Variants in ZNF577 observed in about 807,000 individuals in gnomAD.
ZNF577 encodes zinc finger protein 577.
Under a neutral mutation model 13.9 loss-of-function variants are expected in ZNF577, and 14 were observed. That is an observed-to-expected ratio of 1.00 (90% CI 0.66 to 1.57). The LOEUF (loss-of-function observed/expected upper bound fraction) is 1.57. Ranked by LOEUF, ZNF577 falls within the 40% of genes most tolerant of loss-of-function variation. The pLI, the probability that ZNF577 is intolerant of heterozygous loss-of-function variation, is 0.00. For missense variants in ZNF577, 555 were observed against 579.2 expected (o/e 0.96, Z 0.43); for synonymous variants, 203 against 202.9 (o/e 1.00, Z 0.00).
intron 5 of ZNF577, among the ~76,000 whole-genome samples, chr19:51,859,173 C>T (rs980561921): frequency 4.6e-5 from 7 of 152,170 alleles, no homozygotes; most frequent in African/African-American, 1.4e-4. Context: ...GTACTTCATT[C>T]ATTTGTATAA....
At chr19:51,883,280 T>C (rs528368725) in intron 1 of ZNF577, among the ~76,000 whole-genome samples, 110 of 152,036 alleles carry the variant, frequency 7.2e-4, no homozygotes, top group Non-Finnish European at 1.4e-3. Flanking sequence ...TGTGAGCTAC[T>C]GTGCCTGGCC....
intron 10 of ZNF577, chr19:51,805,339 G>A (rs763108270): frequency 6.6e-6 from 1 of 152,188 alleles, no homozygotes; most frequent in African/African-American, 2.4e-5. Flanking sequence ...TAGGTCCAAG[G>A]GTTGAGGCTC....
At chr19:51,850,817 G>A (rs1259832928) in intron 5 of ZNF577, among the ~76,000 whole-genome samples, 1 of 152,182 alleles carries the variant, frequency 6.6e-6, no homozygotes, top group Non-Finnish European at 1.5e-5. Context: ...CATAATCATG[G>A]TGGTAACATG....
intron 9 of ZNF577, chr19:51,823,990 G>A (rs757959263): frequency 2.9e-5 from 47 of 1,613,906 alleles, no homozygotes; most frequent in South Asian, 7.7e-5. Flanking sequence ...CTACCATTCC[G>A]AATGGTCTCA....
rs1188049360 is a variant in ZNF577 at position 51,872,080 on chromosome 19, C to T, written c.*452G>A. The stretch of plus-strand genomic sequence containing the variant: ...GGTTCAAGATTTCATTAAACACGTC[C>T]CTCCAAGACTCTCAAGACATAAAAG... On this transcript the variant is annotated 3_prime_UTR_variant, in exon 6 of 6. Coordinates refer to ENST00000638348, the MANE Select transcript of ZNF577 (RefSeq NM_001370449.1). 6.5e-6 allele frequency: 1 copy of T among 153,894 alleles called. No individual in the cohort carries two copies. The highest frequency in any genetic ancestry group is 1.4e-5 in the Non-Finnish European group (1 of 69,388). 9.5% of individuals were successfully genotyped at this position (153,894 alleles called of 1,614,324 possible).
At position 51,872,812 on chromosome 19, in the gene ZNF577, C is replaced by G. The variant is rs747026874; in HGVS notation, c.1178G>C (p.Arg393Thr). 8 of 1,614,142 alleles carry G rather than the reference C, an allele frequency of 5.0e-6. No individual in the cohort carries two copies. The East Asian group carries it at 1.8e-4, about 36-fold the overall frequency. ...NSLTVEKPSS[R>T]SHTSLYMSEL... ...GCTCATGTATAAGGAGGTATGACTCCTTGAGGAAGGTTTCTCCACCGTCAG... is the reference window on the plus strand; with the variant it reads ...GCTCATGTATAAGGAGGTATGACTCGTTGAGGAAGGTTTCTCCACCGTCAG... Residue 393 changes from arginine (R) to threonine (T), a missense_variant, in exon 6 of 6, where the codon AGG (arginine) becomes ACG (threonine). Physicochemically the swap from Arg to Thr is moderately conservative, Grantham distance 71. Coordinates refer to ENST00000638348, the MANE Select transcript of ZNF577 (RefSeq NM_001370449.1).
In ZNF577 at chr19:51,824,004, G is replaced by A. The variant is rs143250626; in HGVS notation, c.*600-12330C>T. The A allele has an allele frequency of 3.0e-5, 48 of 1,613,996 alleles. No individual in the cohort carries two copies. The East Asian group carries it at 6.0e-4, about 20-fold the overall frequency. ...CCTACCATTCCGAATGGTCTCAGTC[G>A]CCATGAGAGAAAAATGGCCTTTTGG... is the stretch of plus-strand genomic sequence containing the variant. On this transcript the variant is annotated intron_variant and NMD_transcript_variant, in intron 9 of 10. Transcript: ENST00000638827. This position sits in a 1 kb window ranked among gnomAD's most constrained non-coding sequence, Gnocchi z 4.7.
chr19:51,850,450 T>G (rs2084374004), intron 5 of ZNF577, among the ~76,000 whole-genome samples: 2 of 152,202 alleles, frequency 1.3e-5, no homozygotes, highest in African/African-American at 4.8e-5. Context: ...CTGAAAGAAA[T>G]AGGTGCTGCC....
exon 9 of ZNF577, chr19:51,839,980 CAG>C (rs1398791576): frequency 1.3e-5 from 2 of 152,228 alleles, no homozygotes; most frequent in African/African-American, 4.8e-5. Context: ...CGCTCTTGTG[CAG>C]ACTCAGTAGC....
chr19:51,878,116 A>G (rs1009280017), intron 4 of ZNF577: 3 of 205,980 alleles, frequency 1.5e-5, no homozygotes, highest in Non-Finnish European at 3.0e-5. Flanking sequence ...AAGTGGGGGA[A>G]TGAGTAGTTG....
In ZNF577 at chr19:51,886,845, C is replaced by G. The variant is rs1275837846; in HGVS notation, c.-243G>C. ...CCCAAGTCAGAGGCAGAGGCAGGTA[C>G]TTCTTACTCCACAGTCCATACACTT... On this transcript the variant is annotated 5_prime_UTR_variant, in exon 1 of 6. Coordinates refer to ENST00000638348, the MANE Select transcript of ZNF577 (RefSeq NM_001370449.1). 6.6e-6 allele frequency: 1 copy of G among 152,154 alleles called. No homozygotes were observed. The highest frequency in any genetic ancestry group is 1.5e-5 in the Non-Finnish European group (1 of 68,034). The allele number at this position is 152,154 out of a possible 1,614,324, so 9.4% of individuals were successfully genotyped here.
intron 9 of ZNF577, among the ~76,000 whole-genome samples, chr19:51,815,990 C>T (rs1463108672): frequency 6.6e-6 from 1 of 151,968 alleles, no homozygotes; most frequent in East Asian, 1.9e-4. Context: ...TCACTTGAGC[C>T]CAGGAGTTTG....
intron 4 of ZNF577, 73 bp downstream of exon 4, chr19:51,878,316 T>C: frequency 1.3e-6 from 2 of 1,485,324 alleles, no homozygotes; most frequent in Non-Finnish European, 1.8e-6. Flanking sequence ...TCTAAACCAT[T>C]AAATATTTAT....
Position 51,873,501 on chromosome 19 carries a change from GCA to G in ZNF577, c.487_488del (p.Cys163ArgfsTer17), listed in dbSNP as rs1568447631. The part of the protein sequence containing the change: ...AGGKPHECSV[C>X]GRAFSRKAQL... The stretch of plus-strand genomic sequence containing the variant: ...GTGCTTTCCTGGAGAAGGCTCTCCC[GCA>G]CACACTGCATTCATGTGGTTTCCCT... On this transcript the variant is annotated frameshift_variant, in exon 6 of 6. Transcript: ENST00000638348. LOFTEE classifies it low-confidence loss of function (END_TRUNC). The G allele has an allele frequency of 6.2e-7, 1 of 1,614,068 alleles. No individual in the cohort carries two copies. Among genetic ancestry groups the G allele is most frequent in the Non-Finnish European group, 8.5e-7 (1 of 1,180,014 alleles).
chr19:51,835,592 GA>G (rs1266697058), intron 9 of ZNF577, among the ~76,000 whole-genome samples: 3 of 152,090 alleles, frequency 2.0e-5, no homozygotes, highest in African/African-American at 7.2e-5. Flanking sequence ...AGAATAAAGT[GA>G]TTTTTATGAA....
chr19:51,883,593 G>A (rs1428361071), intron 1 of ZNF577, among the ~76,000 whole-genome samples: 2 of 150,856 alleles, frequency 1.3e-5, no homozygotes, highest in East Asian at 3.9e-4. Flanking sequence ...ATATGAAGAG[G>A]CATGAGGGCA....
intron 3 of ZNF577, 101 bp downstream of exon 3, chr19:51,880,222 C>T (rs2084839380): frequency 4.9e-6 from 6 of 1,213,664 alleles, no homozygotes; most frequent in African/African-American, 1.5e-5. Context: ...AGAAAACATC[C>T]CATGCCTTTA....
intron 6 of ZNF577, among the ~76,000 whole-genome samples, chr19:51,843,959 A>C (rs1379584883): frequency 6.6e-6 from 1 of 152,184 alleles, no homozygotes; most frequent in African/African-American, 2.4e-5. Flanking sequence ...AGACAGGAGA[A>C]GCTGAAGAGA....
At chr19:51,846,460 C>T (rs763139718) in intron 5 of ZNF577, among the ~76,000 whole-genome samples, 2 of 152,054 alleles carry the variant, frequency 1.3e-5, no homozygotes, top group Non-Finnish European at 2.9e-5. Context: ...GTAATGCCAA[C>T]TCTTTGGGAG....
Sources: allele counts gnomAD v4.1 joint callset (sites outside exome capture counted in the v4.1 genomes callset), GRCh38; gene constraint gnomAD v4.1.1; non-coding constraint Gnocchi (gnomAD v3.1); transcripts MANE v1.5; gene names NCBI Gene and HGNC (gene_info 2026-07-23, HGNC 2026-07-21).